Variants in INTS8 observed in about 807,000 individuals in gnomAD.
INTS8 encodes the protein integrator complex subunit 8.
A neutral mutation model predicts 138.9 loss-of-function variants in INTS8; 47 were observed. The observed-to-expected ratio is 0.34, with a 90% CI of 0.27 to 0.43. The LOEUF (loss-of-function observed/expected upper bound fraction) is 0.43. Among genes scored for constraint, INTS8 ranks in the 20% least tolerant of loss-of-function variants. The pLI is 1.00. For synonymous variants in INTS8, 392 were observed against 400.9 expected, an observed-to-expected ratio of 0.98 and a Z score of 0.27; for missense variants, 996 against 1,173.0, an observed-to-expected ratio of 0.85 and a Z score of 2.20.
At chr8:94,848,472 C>G (rs574758170) in intron 10 of INTS8, among the ~76,000 whole-genome samples, 11 of 152,252 alleles carry the variant, frequency 7.2e-5, no homozygotes, top group Admixed American at 4.6e-4. Context: ...TTATTCATTA[C>G]CTGTCACTCT....
intron 20 of INTS8, among the ~76,000 whole-genome samples, chr8:94,869,903 G>A (rs1816330111): frequency 6.6e-6 from 1 of 152,108 alleles, no homozygotes; most frequent in Non-Finnish European, 1.5e-5. Context: ...TTTACCCTAG[G>A]GGCTCTGGGT....
rs528899856 is a variant in INTS8 at position 94,859,880 on chromosome 8, T to C, written c.2076+248T>C. ...ATTATTTAGTTAACAGATAACACAT[T>C]GGTGTAATCCTAAGTAATGAGAGAT... On this transcript the variant is annotated intron_variant, in intron 16 of 26. Transcript: ENST00000523731. 6.5e-5 allele frequency: 26 copies of C among 402,450 alleles called. No individual in the cohort carries two copies. In the East Asian group the frequency reaches 1.3e-3, roughly 19 times the overall value. The allele number at this position is 402,450 out of a possible 1,614,324, so 24.9% of individuals were successfully genotyped here. A position where few individuals can be genotyped will look rare whatever the true frequency, so the allele number is the denominator to read the frequency against.
chr8:94,825,383 G>A (rs542201806), intron 2 of INTS8, among the ~76,000 whole-genome samples: 1 of 151,080 alleles, frequency 6.6e-6, no homozygotes, highest in South Asian at 2.1e-4. Flanking sequence ...AGTGAGCCGA[G>A]ATGGCGCTAC....
rs373626229 is a variant in INTS8, at chr8:94,856,796, A to G, written c.1772A>G (p.Gln591Arg). The G allele has an allele frequency of 2.2e-5, 35 of 1,614,140 alleles. No homozygotes were observed. Among genetic ancestry groups the G allele is most frequent in the Non-Finnish European group, 2.9e-5 (34 of 1,180,022 alleles). ...STVKDFSHAK[Q>R]LFAACLELVT... is the part of the protein sequence containing the mutation. Reference sequence around the variant, plus strand: ...TCATAGGACTTTTCCCATGCTAAACAGCTCTTTGCTGCTTGTTTGGAGTTG... The same window carrying G: ...TCATAGGACTTTTCCCATGCTAAACGGCTCTTTGCTGCTTGTTTGGAGTTG... The change falls in exon 15 of 27, where the codon CAG becomes CGG. Residue 591 changes from glutamine to arginine, a missense_variant. Gln to Arg is a conservative substitution (Grantham distance 43). Transcript: ENST00000523731.
rs771492066 is a variant in INTS8 at position 94,881,169 on chromosome 8, A to AT, written c.*939dup. On this transcript the variant is annotated 3_prime_UTR_variant, in exon 27 of 27. Transcript: ENST00000523731. ...ACCTTTGTAAACAAGTTTAAATTTA[A>AT]TTTTCAAGAACCAAATTGCACTAGT... 246 of 388,462 alleles carry AT rather than the reference A, an allele frequency of 6.3e-4. No individual in the cohort carries two copies. Among genetic ancestry groups the AT allele is most frequent in the Non-Finnish European group, 8.7e-4 (191 of 220,024 alleles). The allele number at this position is 388,462 out of a possible 1,614,324, so 24.1% of individuals were successfully genotyped here.
chr8:94,834,891 G>A (rs1295536976), intron 6 of INTS8, among the ~76,000 whole-genome samples: 1 of 152,184 alleles, frequency 6.6e-6, no homozygotes, highest in Non-Finnish European at 1.5e-5. Flanking sequence ...GTTTGGAAGA[G>A]GAGTAAGTAT....
intron 6 of INTS8, among the ~76,000 whole-genome samples, chr8:94,834,703 CAAAAA>C (rs1180267625): frequency 2.4e-5 from 2 of 85,100 alleles, no homozygotes; most frequent in Non-Finnish European, 2.4e-5. Context: ...AACTCCATCT[CAAAAA>C]AAAAAAAAAA....
At chr8:94,849,851 T>TA (rs1251228660) in intron 11 of INTS8, 65 bp from the exon 12 acceptor site, 2 of 1,191,456 alleles carry the variant, frequency 1.7e-6, no homozygotes, top group African/African-American at 3.1e-5. Flanking sequence ...AATTGGTTGA[T>TA]ATGATTGTTT....
chr8:94,854,615 C>T (rs1563658474), intron 14 of INTS8, among the ~76,000 whole-genome samples: 1 of 152,212 alleles, frequency 6.6e-6, no homozygotes, highest in Non-Finnish European at 1.5e-5. Flanking sequence ...AGTTGCGTGA[C>T]TGATCATACA....
At chr8:94,852,713 C>T (rs1465256554) in intron 13 of INTS8, among the ~76,000 whole-genome samples, 4 of 151,800 alleles carry the variant, frequency 2.6e-5, no homozygotes, top group African/African-American at 7.3e-5. Context: ...CTCAGCCTCC[C>T]GAGTAGCTGG....
rs1210671115 is a variant in INTS8, at chr8:94,871,949, G to T, written c.2480G>T (p.Ser827Ile). Residue 827 changes from serine (S) to isoleucine (I), a missense_variant, in exon 21 of 27, where the codon AGT (serine) becomes ATT (isoleucine). Transcript: ENST00000523731. ...AAAGAGCTAGTTCGATATACACTCA[G>T]TATAAATCCAAATAACCATTCTTGG... ...TVKELVRYTLSINPNNHSWLI... is the reference protein window; with the variant it reads ...TVKELVRYTLIINPNNHSWLI... 6.2e-7 allele frequency: 1 copy of T among 1,608,518 alleles called. No individual in the cohort carries two copies. Among genetic ancestry groups the T allele is most frequent in the Non-Finnish European group, 8.5e-7 (1 of 1,175,780 alleles).
Position 94,879,478 on chromosome 8 carries a change from C to T in INTS8, c.2872-640C>T, listed in dbSNP as rs187001970. ...GACGAGATGGCGGGCGTCTGTAATC[C>T]CAGCTACTTGGGAGGCTGAGGCAGG... On this transcript the variant is annotated intron_variant, in intron 26 of 26. Transcript: ENST00000523731. 2.6e-3 allele frequency among the ~76,000 whole-genome samples: 389 copies of T among 151,830 alleles called. 4 individuals are homozygous for T. Among genetic ancestry groups the T allele is most frequent in the African/African-American group, 9.1e-3 (376 of 41,386 alleles).
intron 16 of INTS8, among the ~76,000 whole-genome samples, chr8:94,863,632 C>CCACA (rs1227245465): frequency 6.6e-6 from 1 of 152,126 alleles, no homozygotes; most frequent in Non-Finnish European, 1.5e-5. Context: ...ATGATGCCCA[C>CCACA]CACACATAGT....
At chr8:94,854,243 T>G (rs918502079) in intron 14 of INTS8, among the ~76,000 whole-genome samples, 3 of 151,662 alleles carry the variant, frequency 2.0e-5, no homozygotes, top group Admixed American at 6.6e-5. Context: ...TATGCTTTAC[T>G]AATTTTAGCA....
chr8:94,832,157 G>A lies in INTS8; in HGVS notation c.736G>A (p.Glu246Lys), dbSNP rs537317808. 3.3e-5 allele frequency: 53 copies of A among 1,611,820 alleles called. No individual in the cohort carries two copies. The highest frequency in any genetic ancestry group is 2.5e-4 in the Admixed American group (15 of 59,252). Reference protein sequence around the residue: ...SSTAGLKVKTEEMQCQVCYDL... With the variant: ...SSTAGLKVKTKEMQCQVCYDL... ...TACTGCTGGATTGAAAGTCAAAACC[G>A]AAGAAATGCAGTGCCAGGTATTCAT... The change falls in exon 6 of 27, where the codon GAA becomes AAA. Residue 246 changes from glutamate (E) to lysine (K), a missense_variant. By Grantham distance (56) the Glu-to-Lys change is moderately conservative. Transcript: ENST00000523731.
intron 6 of INTS8, 32 bp from the exon 7 acceptor site, chr8:94,836,492 G>A: frequency 6.5e-7 from 1 of 1,543,622 alleles, no homozygotes; most frequent in Non-Finnish European, 8.9e-7. Context: ...CTGAGAAATT[G>A]TTAAGCAAAT....
chr8:94,829,132 A>T, intron 5 of INTS8, 106 bp downstream of exon 5: 1 of 781,826 alleles, frequency 1.3e-6, no homozygotes, highest in Non-Finnish European at 2.2e-6. Flanking sequence ...GGCAATTTCC[A>T]GGAAACTGGA....
At chr8:94,869,320 G>GT (rs961256944) in intron 20 of INTS8, among the ~76,000 whole-genome samples, 113 of 151,720 alleles carry the variant, frequency 7.4e-4, no homozygotes, top group African/African-American at 2.6e-3. Flanking sequence ...CAGTGGTTGT[G>GT]TTTTTGTTTT....
chr8:94,874,569 A>T lies in INTS8; in HGVS notation c.2655A>T (p.Ile885=), dbSNP rs201736516. The T allele has an allele frequency of 6.3e-7, 1 of 1,585,068 alleles. No individual in the cohort carries two copies. The highest frequency in any genetic ancestry group is 2.2e-5 in the East Asian group (1 of 44,632). Residue 885 remains isoleucine (I), a synonymous_variant, in exon 23 of 27, where the codon ATA becomes ATT. Transcript: ENST00000523731. The part of the protein sequence containing the change: ...VYTDQVIKRM[I]KCCSLLNCHT... ...TTTTGTAGGTAATAAAACGAATGATAAAATGTTGTTCTTTGCTGAATTGCC... is the reference window on the plus strand; with the variant it reads ...TTTTGTAGGTAATAAAACGAATGATTAAATGTTGTTCTTTGCTGAATTGCC...
Sources: allele counts gnomAD v4.1 joint callset (sites outside exome capture counted in the v4.1 genomes callset), GRCh38; gene constraint gnomAD v4.1.1; transcripts MANE v1.5; gene names NCBI Gene and HGNC (gene_info 2026-07-23, HGNC 2026-07-21).